TJP1: variants seen among roughly 807,000 people sequenced by gnomAD.
The protein encoded by TJP1 is tight junction protein 1.
A neutral mutation model predicts 194.2 loss-of-function variants in TJP1; 43 were observed. The observed-to-expected ratio is 0.22, with a 90% confidence interval of 0.17 to 0.29. TJP1 has a LOEUF of 0.29. Among genes scored for constraint, TJP1 ranks in the 10% least tolerant of loss-of-function variants. The probability of loss-of-function intolerance (pLI) is 1.00; values close to 1 mark genes in which losing one functional copy is unlikely to be tolerated. For synonymous variants in TJP1, 801 were observed against 779.0 expected, an observed-to-expected ratio of 1.03 and a Z score of -0.47; for missense variants, 1,971 against 2,185.7, an observed-to-expected ratio of 0.90 and a Z score of 1.96.
At chr15:29,714,871 A>G (rs2042466404) in intron 23 of TJP1, among the ~76,000 whole-genome samples, 2 of 152,110 alleles carry the variant, frequency 1.3e-5, no homozygotes, top group South Asian at 4.2e-4. Context: ...TATTCTATTT[A>G]CCAAATATGT....
At chr15:29,828,937 G>T (rs1047993334) in intron 2 of TJP1, among the ~76,000 whole-genome samples, 1 of 152,046 alleles carries the variant, frequency 6.6e-6, no homozygotes, top group African/African-American at 2.4e-5. Context: ...ATTTTTAGTA[G>T]AGACGGGGTT....
In TJP1 at chr15:29,959,737, T is replaced by C. The variant is rs1425485773; in HGVS notation, c.174-3373A>G. Among the ~76,000 whole-genome samples the C allele has an allele frequency of 7.9e-5, 12 of 152,346 alleles. No homozygotes were observed. The East Asian group carries it at 2.1e-3, about 27-fold the overall frequency. ...ACGGGTCCACTGATGACATTCTTTA[T>C]TGTTTACTCAGATTATTATTAATTT... On this transcript the variant is annotated intron_variant, in intron 1 of 28. Transcript: ENST00000356107.
chr15:29,720,231 A>T, intron 19 of TJP1, 127 bp downstream of exon 19: 1 of 1,120,310 alleles, frequency 8.9e-7, no homozygotes, highest in East Asian at 2.4e-5. Context: ...TGGTACTCTC[A>T]AATTGAAATT....
At chr15:29,883,578 T>C (rs958462100) in intron 2 of TJP1, among the ~76,000 whole-genome samples, 1 of 151,964 alleles carries the variant, frequency 6.6e-6, no homozygotes, top group African/African-American at 2.4e-5. Context: ...GTGGTACGTG[T>C]CCTTTTTTTT....
chr15:29,717,898 T>C (rs1346794265), intron 22 of TJP1, 123 bp downstream of exon 22: 7 of 757,282 alleles, frequency 9.2e-6, no homozygotes, highest in Middle Eastern at 2.5e-4. Flanking sequence ...TAGTTTTTAT[T>C]TAAGGACAAA....
intron 2 of TJP1, among the ~76,000 whole-genome samples, chr15:29,790,699 C>T (rs1384626347): frequency 6.6e-6 from 1 of 151,920 alleles, no homozygotes; most frequent in Non-Finnish European, 1.5e-5. Context: ...TACCACCCTT[C>T]CCGGTCTCTG....
At chr15:29,907,287 T>C (rs2053847547) in intron 2 of TJP1, among the ~76,000 whole-genome samples, 1 of 151,958 alleles carries the variant, frequency 6.6e-6, no homozygotes, top group Non-Finnish European at 1.5e-5. Flanking sequence ...CGGGCGCCTG[T>C]AGCCCCAGCT....
chr15:29,701,578 T>A lies in TJP1; in HGVS notation c.*17A>T. Reference sequence around the variant, plus strand: ...TTAATCCAGTTTCACATTATTTAAGTTCCTATATTTCAAGAGTTAAAAGTG... The same window carrying A: ...TTAATCCAGTTTCACATTATTTAAGATCCTATATTTCAAGAGTTAAAAGTG... On this transcript the variant is annotated 3_prime_UTR_variant, in exon 28 of 28. Coordinates refer to ENST00000614355, the MANE Select transcript of TJP1 (RefSeq NM_001330239.4). 6.3e-7 allele frequency: 1 copy of A among 1,586,228 alleles called. No individual in the cohort carries two copies. Among genetic ancestry groups the A allele is most frequent in the African/African-American group, 1.3e-5 (1 of 74,450 alleles).
Position 29,710,850 on chromosome 15 carries a change from A to G in TJP1, c.4353T>C (p.Ser1451=). 6.2e-7 allele frequency: 1 copy of G among 1,614,074 alleles called. No individual in the cohort carries two copies. The highest frequency in any genetic ancestry group is 8.5e-7 in the Non-Finnish European group (1 of 1,180,044). Residue 1451 remains serine (S), a synonymous_variant, in exon 24 of 28, where the codon TCT becomes TCC. Coordinates refer to ENST00000614355, the MANE Select transcript of TJP1 (RefSeq NM_001330239.4). The part of the protein sequence containing the change: ...PVTSASLHIH[S]KGAHGEGNSV... ...TCCTACCTTCACCATGTGCTCCCTT[A>G]GAATGTATGTGGAGAGACGCGCTGG...
chr15:29,824,637 T>C (rs1385028741), upstream of TJP1, among the ~76,000 whole-genome samples: 2 of 152,216 alleles, frequency 1.3e-5, no homozygotes, highest in Non-Finnish European at 2.9e-5. Context: ...TATTTTTTAA[T>C]TTTAAAAGGT....
chr15:29,755,473 T>C (rs1341368888), intron 8 of TJP1, among the ~76,000 whole-genome samples: 1 of 152,246 alleles, frequency 6.6e-6, no homozygotes, highest in East Asian at 1.9e-4. Context: ...TAAAAATTTC[T>C]GATTCAGAAA....
At chr15:29,750,951 T>C (rs1476527214) in intron 8 of TJP1, among the ~76,000 whole-genome samples, 2 of 152,258 alleles carry the variant, frequency 1.3e-5, no homozygotes, top group Non-Finnish European at 2.9e-5. Context: ...TCCAAAGTTT[T>C]TTCCACTGAC....
At chr15:29,811,760 G>A (rs1697266730) in intron 1 of TJP1, among the ~76,000 whole-genome samples, 1 of 151,908 alleles carries the variant, frequency 6.6e-6, no homozygotes, top group South Asian at 2.1e-4. Context: ...CAGGCTGATT[G>A]ATCTTTGTCC....
Position 29,742,768 on chromosome 15 carries a change from C to T in TJP1, c.1024G>A (p.Asp342Asn). 1 of 1,600,828 alleles carries T rather than the reference C, an allele frequency of 6.2e-7. No individual in the cohort carries two copies. The highest frequency in any genetic ancestry group is 8.5e-7 in the Non-Finnish European group (1 of 1,175,302). Residue 342 changes from aspartate to asparagine, a missense_variant, in exon 9 of 28, where the codon GAT (aspartate) becomes AAT (asparagine). By Grantham distance (23) the Asp-to-Asn change is conservative (BLOSUM62 1). Transcript: ENST00000614355. ...QPSNGSLRSR[D>N]EERISKPGAV... ...CCAGGTTTAGAAATTCTCTCTTCATCTCTACTCCGGAGACTGTGTGTCATT... is the reference window on the plus strand; with the variant it reads ...CCAGGTTTAGAAATTCTCTCTTCATTTCTACTCCGGAGACTGTGTGTCATT...
At chr15:29,871,662 C>T (rs1435291923) in intron 2 of TJP1, among the ~76,000 whole-genome samples, 3 of 152,216 alleles carry the variant, frequency 2.0e-5, no homozygotes, top group Admixed American at 6.5e-5. Flanking sequence ...GTGAAAAAGC[C>T]GTCTTGGGCA....
intron 1 of TJP1, among the ~76,000 whole-genome samples, chr15:29,963,391 A>C (rs529921045): frequency 6.6e-6 from 1 of 152,306 alleles, no homozygotes; most frequent in East Asian, 1.9e-4. Context: ...CTAATTTGTA[A>C]AACCGAGAAA....
chr15:29,706,821 G>A (rs1270111598), intron 25 of TJP1, among the ~76,000 whole-genome samples: 3 of 151,938 alleles, frequency 2.0e-5, no homozygotes, highest in Admixed American at 6.6e-5. Flanking sequence ...CACCATGCCC[G>A]GCTAATTTTT....
intron 15 of TJP1, among the ~76,000 whole-genome samples, chr15:29,731,345 C>T (rs1300762821): frequency 2.0e-5 from 3 of 152,302 alleles, no homozygotes; most frequent in Admixed American, 6.5e-5. Context: ...TCCCTTTCCA[C>T]GTTTCAGCAT....
At chr15:29,966,210 T>C (rs1337044494) in intron 1 of TJP1, among the ~76,000 whole-genome samples, 1 of 152,174 alleles carries the variant, frequency 6.6e-6, no homozygotes, top group Non-Finnish European at 1.5e-5. Context: ...CACATCTTGA[T>C]TTTTAAACTG....
Sources: gnomAD v4.1 joint callset for allele counts (sites outside exome capture counted in the v4.1 genomes callset) on GRCh38, gnomAD v4.1.1 for gene constraint, MANE v1.5 for transcripts, NCBI Gene and HGNC (gene_info 2026-07-23, HGNC 2026-07-21) for gene names.